The following TYR variants were observed in gnomAD, a reference collection of about 807,000 sequenced individuals.
TYR encodes the protein LB24-AB.
TYR carries 58 observed loss-of-function variants against 51.5 expected under a neutral mutation model. That is an observed-to-expected ratio of 1.13 (90% CI 0.91 to 1.40). TYR has a LOEUF of 1.40. TYR is among the 40% of genes most tolerant of loss of function. The probability of loss-of-function intolerance (pLI) is 0.00; values close to 1 mark genes in which losing one functional copy is unlikely to be tolerated. For missense variants in TYR, 732 were observed against 647.4 expected (o/e 1.13, Z -1.42); for synonymous variants, 263 against 235.2 (o/e 1.12, Z -1.08).
intron 4 of TYR, among the ~76,000 whole-genome samples, chr11:89,291,037 T>C (rs1450212442): frequency 6.6e-6 from 1 of 151,958 alleles, no homozygotes. Context: ...TAAACATCTC[T>C]CCTTAACTGC....
At chr11:89,222,996 A>C (rs575822610) in intron 2 of TYR, among the ~76,000 whole-genome samples, 36 of 152,272 alleles carry the variant, frequency 2.4e-4, no homozygotes, top group Non-Finnish European at 4.0e-4. Context: ...GGTAGCTAAA[A>C]ATGACAAGTC....
chr11:89,189,090 T>G (rs979208449), intron 1 of TYR, among the ~76,000 whole-genome samples: 11 of 152,052 alleles, frequency 7.2e-5, no homozygotes, highest in African/African-American at 2.4e-4. Flanking sequence ...TTTAAAAATT[T>G]TTTAATGTTG....
intron 3 of TYR, among the ~76,000 whole-genome samples, chr11:89,270,737 T>C (rs1250021650): frequency 6.6e-6 from 1 of 151,918 alleles, no homozygotes; most frequent in East Asian, 1.9e-4. Flanking sequence ...TGAAAAAATT[T>C]TGGACTCTCT....
intron 2 of TYR, among the ~76,000 whole-genome samples, chr11:89,193,181 T>C (rs1394256115): frequency 1.3e-5 from 2 of 152,162 alleles, no homozygotes; most frequent in East Asian, 1.9e-4. Context: ...ATTAATGACA[T>C]TGCAAAGCGA....
At chr11:89,181,103 C>T (rs993159513) in intron 1 of TYR, among the ~76,000 whole-genome samples, 4 of 152,108 alleles carry the variant, frequency 2.6e-5, no homozygotes, top group Non-Finnish European at 4.4e-5. Context: ...CAACTTCCGC[C>T]TCCCAGGTTC....
Position 89,177,964 on chromosome 11 carries a change from C to T in TYR, c.11C>T (p.Ala4Val), listed in dbSNP as rs1254138989. Residue 4 changes from alanine (A) to valine (V), a missense_variant, in exon 1 of 5, where the codon GCT (alanine) becomes GTT (valine). Ala to Val is a moderately conservative substitution (Grantham distance 64, BLOSUM62 0). Transcript: ENST00000263321. ...AGGACTAGAGGAAGAATGCTCCTGG[C>T]TGTTTTGTACTGCCTGCTGTGGAGT... Reference protein sequence around the residue: MLLAVLYCLLWSFQ... With the variant: MLLVVLYCLLWSFQ... 1.3e-5 allele frequency: 21 copies of T among 1,613,982 alleles called. No individual in the cohort carries two copies. The highest frequency in any genetic ancestry group is 1.7e-5 in the Non-Finnish European group (20 of 1,180,036).
chr11:89,210,365 T>TATCAGTGAC (rs369483902), intron 2 of TYR, among the ~76,000 whole-genome samples: 3 of 151,294 alleles, frequency 2.0e-5, no homozygotes, highest in Admixed American at 6.6e-5. Flanking sequence ...GAAGAAAGGA[T>TATCAGTGAC]TGAAGATCAA....
intron 3 of TYR, among the ~76,000 whole-genome samples, chr11:89,278,679 C>T (rs1487713318): frequency 2.0e-5 from 3 of 151,422 alleles, no homozygotes; most frequent in Admixed American, 6.6e-5. Context: ...TACCCAATTC[C>T]TCTATTATTA....
At chr11:89,256,621 G>C (rs1020433129) in intron 3 of TYR, among the ~76,000 whole-genome samples, 1 of 151,792 alleles carries the variant, frequency 6.6e-6, no homozygotes, top group Admixed American at 6.6e-5. Context: ...AAATTCAAAA[G>C]TGGAAAAAAA....
At chr11:89,194,735 G>A (rs1943493225) in intron 2 of TYR, among the ~76,000 whole-genome samples, 1 of 152,000 alleles carries the variant, frequency 6.6e-6, no homozygotes, top group Non-Finnish European at 1.5e-5. Flanking sequence ...GTTTGATAGT[G>A]TATAACTCAT....
chr11:89,214,001 C>G (rs1943797700), intron 2 of TYR, among the ~76,000 whole-genome samples: 1 of 152,196 alleles, frequency 6.6e-6, no homozygotes, highest in East Asian at 1.9e-4. Flanking sequence ...GGAAGAAAAC[C>G]TAGGCAATAC....
At chr11:89,245,412 A>G (rs556647081) in intron 3 of TYR, among the ~76,000 whole-genome samples, 4 of 152,298 alleles carry the variant, frequency 2.6e-5, no homozygotes, top group Admixed American at 2.0e-4. Flanking sequence ...GTTTAGATGG[A>G]GGCTTAATAG....
At chr11:89,262,314 C>T (rs1275486850) in intron 3 of TYR, among the ~76,000 whole-genome samples, 1 of 152,026 alleles carries the variant, frequency 6.6e-6, no homozygotes, top group Non-Finnish European at 1.5e-5. Context: ...CAGCCTTGGC[C>T]TCCCAAAGTG....
chr11:89,232,277 C>G (rs1203961889), intron 3 of TYR, among the ~76,000 whole-genome samples: 1 of 143,026 alleles, frequency 7.0e-6, no homozygotes. Flanking sequence ...CCCAGTGCAT[C>G]TAAAAGTTAC....
intron 3 of TYR, among the ~76,000 whole-genome samples, chr11:89,257,127 C>G (rs753045567): frequency 6.6e-6 from 1 of 151,832 alleles, no homozygotes; most frequent in Non-Finnish European, 1.5e-5. Context: ...CTGTTCTAGC[C>G]TATATGTAGT....
At chr11:89,253,867 A>G (rs1417577663) in intron 3 of TYR, among the ~76,000 whole-genome samples, 1 of 151,708 alleles carries the variant, frequency 6.6e-6, no homozygotes, top group Non-Finnish European at 1.5e-5. Flanking sequence ...ATTATGTTGA[A>G]TGGAAGGGCG....
At chr11:89,192,748 T>A (rs1943462675) in intron 2 of TYR, among the ~76,000 whole-genome samples, 1 of 152,182 alleles carries the variant, frequency 6.6e-6, no homozygotes, top group South Asian at 2.1e-4. Context: ...GTAATCACCG[T>A]ATCCAAAACA....
intron 2 of TYR, among the ~76,000 whole-genome samples, chr11:89,210,405 A>C (rs1356665775): frequency 1.4e-5 from 2 of 141,048 alleles, no homozygotes; most frequent in African/African-American, 5.6e-5. Context: ...AAATAAAGTA[A>C]GAAGACAAGA....
intron 2 of TYR, among the ~76,000 whole-genome samples, chr11:89,212,576 A>G (rs1943774337): frequency 6.6e-6 from 1 of 150,832 alleles, no homozygotes; most frequent in South Asian, 2.1e-4. Flanking sequence ...AATCCTTCTT[A>G]ATTCATTTTA....
Sources: allele counts gnomAD v4.1 joint callset (sites outside exome capture counted in the v4.1 genomes callset), GRCh38; gene constraint gnomAD v4.1.1; transcripts MANE v1.5; gene names NCBI Gene and HGNC (gene_info 2026-07-23, HGNC 2026-07-21).